PACRG: variants seen among roughly 807,000 people sequenced by gnomAD.
PACRG encodes the protein parkin coregulated.
Under a neutral mutation model 29.7 loss-of-function variants are expected in PACRG, and 29 were observed. The ratio of observed to expected loss-of-function variants is 0.98; its 90% CI spans 0.73 to 1.33. The LOEUF is 1.33. Among genes scored for constraint, PACRG ranks in the 40% most tolerant of loss-of-function variants. The pLI is 0.00. For synonymous variants in PACRG, 116 were observed against 118.7 expected (o/e 0.98, Z 0.15); for missense variants, 279 against 316.2 (o/e 0.88, Z 0.89).
chr6:163,226,598 G>A (rs1781810906), intron 4 of PACRG, among the ~76,000 whole-genome samples: 1 of 152,220 alleles, frequency 6.6e-6, no homozygotes, highest in Admixed American at 6.5e-5. Context: ...TTGAGGCCAA[G>A]GGGCTGGGGC....
intron 2 of PACRG, among the ~76,000 whole-genome samples, chr6:163,023,561 G>T (rs565149430): frequency 1.1e-4 from 17 of 152,244 alleles, no homozygotes; most frequent in Non-Finnish European, 2.4e-4. Context: ...TTTTTTGGTA[G>T]AACAATTTAT....
At chr6:162,832,345 C>T (rs1403430239) in intron 2 of PACRG, among the ~76,000 whole-genome samples, 10 of 152,126 alleles carry the variant, frequency 6.6e-5, no homozygotes, top group Non-Finnish European at 1.3e-4. Flanking sequence ...CTTTTGCCCA[C>T]TTCTTAATGG....
At chr6:163,227,808 G>T (rs1352847957) in intron 4 of PACRG, among the ~76,000 whole-genome samples, 1 of 152,144 alleles carries the variant, frequency 6.6e-6, no homozygotes, top group Non-Finnish European at 1.5e-5. Context: ...CCCACAACTT[G>T]GGTGTTATTA....
At chr6:163,257,155 CTATTTCT>C in intron 4 of PACRG, among the ~76,000 whole-genome samples, 1 of 152,184 alleles carries the variant, frequency 6.6e-6, no homozygotes, top group African/African-American at 2.4e-5. Flanking sequence ...TGCAAAAACC[CTATTTCT>C]AAATAAGGGC....
chr6:162,732,821 C>A (rs1779876147), intron 1 of PACRG, among the ~76,000 whole-genome samples: 1 of 152,126 alleles, frequency 6.6e-6, no homozygotes, highest in Non-Finnish European at 1.5e-5. Context: ...CTATTCAGAG[C>A]TTTTGGAGCT....
intron 4 of PACRG, among the ~76,000 whole-genome samples, chr6:163,213,180 C>T (rs1317379397): frequency 1.2e-4 from 19 of 152,058 alleles, no homozygotes; most frequent in Admixed American, 1.2e-3. Context: ...ATATATCTGC[C>T]AGAAATGCAA....
chr6:163,090,515 CTT>C (rs1311241321), intron 4 of PACRG, among the ~76,000 whole-genome samples: 1 of 152,162 alleles, frequency 6.6e-6, no homozygotes, highest in Non-Finnish European at 1.5e-5. Flanking sequence ...GATGGTTAGT[CTT>C]TACGCAAAGT....
At chr6:162,926,672 C>T (rs1257892534) in intron 2 of PACRG, among the ~76,000 whole-genome samples, 7 of 151,914 alleles carry the variant, frequency 4.6e-5, no homozygotes, top group Non-Finnish European at 1.0e-4. Context: ...GATTAAAGAC[C>T]TAAATGTAAA....
At chr6:162,924,905 T>C (rs1797321795) in intron 2 of PACRG, among the ~76,000 whole-genome samples, 1 of 151,884 alleles carries the variant, frequency 6.6e-6, no homozygotes, top group African/African-American at 2.4e-5. Context: ...ATTAATAAAA[T>C]AGATAGACTG....
intron 2 of PACRG, among the ~76,000 whole-genome samples, chr6:162,958,876 TATATATATAGAGAGAGAGAGAGAGAG>T (rs1333029007): frequency 0.026 from 788 of 29,830 alleles, 2 homozygotes; most frequent in Admixed American, 0.031. Context: ...TATATATATA[TATATATATAGAGAGAGAGAGAGAGAG>T]AGAGAGAGAG....
intron 2 of PACRG, among the ~76,000 whole-genome samples, chr6:162,943,167 T>A (rs1798750445): frequency 6.6e-6 from 1 of 152,150 alleles, no homozygotes; most frequent in South Asian, 2.1e-4. Context: ...TCATGCTGGC[T>A]CCCACACACA....
At chr6:162,838,985 T>C (rs1178544111) in intron 2 of PACRG, among the ~76,000 whole-genome samples, 4 of 134,002 alleles carry the variant, frequency 3.0e-5, no homozygotes, top group Admixed American at 7.8e-5. Flanking sequence ...CTTAATCCAG[T>C]CTATCATTGT....
intron 2 of PACRG, among the ~76,000 whole-genome samples, chr6:163,041,394 G>A (rs1808703405): frequency 6.6e-6 from 1 of 152,104 alleles, no homozygotes; most frequent in South Asian, 2.1e-4. Flanking sequence ...CCTGGTGGGA[G>A]GTGATTGGAT....
intron 2 of PACRG, among the ~76,000 whole-genome samples, chr6:162,996,432 G>A (rs1015700438): frequency 5.3e-5 from 8 of 151,910 alleles, no homozygotes; most frequent in Non-Finnish European, 8.8e-5. Context: ...TAGAAAATTC[G>A]TTTGTGCTTT....
intron 3 of PACRG, among the ~76,000 whole-genome samples, chr6:163,071,804 T>G (rs1175706253): frequency 2.6e-5 from 4 of 151,544 alleles, no homozygotes; most frequent in Non-Finnish European, 5.9e-5. Context: ...AATAAGCAAC[T>G]ATATGCCAAT....
intron 2 of PACRG, among the ~76,000 whole-genome samples, chr6:163,052,292 A>G (rs1810099294): frequency 2.6e-5 from 4 of 152,196 alleles, no homozygotes; most frequent in African/African-American, 4.8e-5. Context: ...AGATAATTAT[A>G]CTTTTTCAGA....
chr6:163,091,061 G>T (rs1051257122), intron 4 of PACRG, among the ~76,000 whole-genome samples: 5 of 152,176 alleles, frequency 3.3e-5, no homozygotes, highest in African/African-American at 1.2e-4. Flanking sequence ...TGAGTATCTG[G>T]GAATAGGTAG....
intron 4 of PACRG, among the ~76,000 whole-genome samples, chr6:163,251,637 G>C (rs746208759): frequency 6.6e-6 from 1 of 152,192 alleles, no homozygotes; most frequent in South Asian, 2.1e-4. Flanking sequence ...GAAGATCCCT[G>C]TTACTCATCC....
At chr6:162,874,751 C>T (rs967798105) in intron 2 of PACRG, among the ~76,000 whole-genome samples, 7 of 152,132 alleles carry the variant, frequency 4.6e-5, no homozygotes. Flanking sequence ...TGCATTCACA[C>T]ACTTACATAT....
Sources: allele counts gnomAD v4.1 joint callset (sites outside exome capture counted in the v4.1 genomes callset), GRCh38; gene constraint gnomAD v4.1.1; transcripts MANE v1.5; gene names NCBI Gene and HGNC (gene_info 2026-07-23, HGNC 2026-07-21).